The following MAP4K4 variants were observed in gnomAD, a reference collection of about 807,000 sequenced individuals.
MAP4K4 encodes mitogen-activated protein kinase kinase kinase kinase 4, also known as HPK/GCK-like kinase HGK.
MAP4K4 carries 38 observed loss-of-function variants against 189.6 expected under a neutral mutation model. The ratio of observed to expected loss-of-function variants is 0.20; its 90% CI spans 0.15 to 0.26. MAP4K4 has a LOEUF of 0.26. Among genes scored for constraint, MAP4K4 ranks in the 10% least tolerant of loss-of-function variants. The pLI is 1.00. For synonymous variants in MAP4K4, 610 were observed against 624.3 expected, an observed-to-expected ratio of 0.98 and a Z score of 0.34; for missense variants, 1,054 against 1,726.9, an observed-to-expected ratio of 0.61 and a Z score of 6.91.
In MAP4K4 at chr2:101,835,987, T is replaced by G; in HGVS notation, c.773+9T>G. The G allele has an allele frequency of 6.2e-7, 1 of 1,601,302 alleles. No individual in the cohort carries two copies. Among genetic ancestry groups the G allele is most frequent in the Non-Finnish European group, 8.6e-7 (1 of 1,168,588 alleles). On this transcript the variant is annotated intron_variant, in intron 9 of 32. Transcript: ENST00000324219. Reference sequence around the variant, plus strand: ...CTGAAGTCAAAAAAATGGTAAGCTATATATGGTTTTTTGTTGTTCTTTTCC... The same window carrying G: ...CTGAAGTCAAAAAAATGGTAAGCTAGATATGGTTTTTTGTTGTTCTTTTCC...
chr2:101,800,476 A>G (rs2094258913), intron 3 of MAP4K4, among the ~76,000 whole-genome samples: 1 of 152,244 alleles, frequency 6.6e-6, no homozygotes, highest in African/African-American at 2.4e-5. Flanking sequence ...CTTTTAAAAG[A>G]TTACAGACAG....
At chr2:101,708,776 G>T (rs1270570491) in intron 2 of MAP4K4, among the ~76,000 whole-genome samples, 1 of 152,162 alleles carries the variant, frequency 6.6e-6, no homozygotes, top group African/African-American at 2.4e-5. Context: ...GTTAATCCCT[G>T]TTCCAACCCA....
intron 2 of MAP4K4, among the ~76,000 whole-genome samples, chr2:101,753,005 A>G (rs1313577577): frequency 2.0e-5 from 3 of 152,240 alleles, no homozygotes; most frequent in South Asian, 4.1e-4. Flanking sequence ...TGCACAGTAA[A>G]TGATGACAGT....
At chr2:101,818,476 T>G (rs557009189) in intron 3 of MAP4K4, among the ~76,000 whole-genome samples, 3 of 152,268 alleles carry the variant, frequency 2.0e-5, no homozygotes, top group African/African-American at 7.2e-5. Flanking sequence ...CATTTTCCAG[T>G]CCTCTTGGAT....
chr2:101,837,991 T>G (rs2096810593), intron 9 of MAP4K4, among the ~76,000 whole-genome samples: 2 of 152,236 alleles, frequency 1.3e-5, no homozygotes, highest in African/African-American at 4.8e-5. Context: ...ATGAGAAAAT[T>G]ATGGACGTAA....
chr2:101,813,119 AAAATAAAT>A (rs1013466002), intron 3 of MAP4K4, among the ~76,000 whole-genome samples: 1 of 152,164 alleles, frequency 6.6e-6, no homozygotes, highest in Non-Finnish European at 1.5e-5. Flanking sequence ...ATTTCGTCTC[AAAATAAAT>A]AAATAAATAA....
At chr2:101,836,101 C>A in intron 9 of MAP4K4, 123 bp downstream of exon 9, 1 of 638,322 alleles carries the variant, frequency 1.6e-6, no homozygotes, top group South Asian at 1.9e-5. Context: ...AGAGCCAGTT[C>A]TCCAAAACAC....
intron 12 of MAP4K4, among the ~76,000 whole-genome samples, chr2:101,854,349 C>T (rs1459759720): frequency 6.6e-6 from 1 of 152,168 alleles, no homozygotes; most frequent in Non-Finnish European, 1.5e-5. Context: ...AGAGCAGGAG[C>T]ATCATTCATT....
At chr2:101,745,997 TGTG>T (rs1558696305) in intron 2 of MAP4K4, among the ~76,000 whole-genome samples, 12 of 151,010 alleles carry the variant, frequency 7.9e-5, no homozygotes, top group African/African-American at 2.7e-4. Context: ...TGTGTGTGTG[TGTG>T]TGTGTGTTTT....
exon 23 of MAP4K4, chr2:101,870,337 A>G: frequency 6.2e-7 from 1 of 1,613,548 alleles, no homozygotes; most frequent in Non-Finnish European, 8.5e-7. Context: ...AATCTGTGAA[A>G]ACCATGATTG....
chr2:101,882,353 A>G (rs1289282705), intron 27 of MAP4K4, among the ~76,000 whole-genome samples, 198 bp from the exon 28 acceptor site: 1 of 152,168 alleles, frequency 6.6e-6, no homozygotes, highest in Non-Finnish European at 1.5e-5. Context: ...TATTTGATTT[A>G]TAGGAGTTTT....
At chr2:101,832,523 T>C (rs2096621037) in intron 7 of MAP4K4, among the ~76,000 whole-genome samples, 1 of 152,244 alleles carries the variant, frequency 6.6e-6, no homozygotes, top group African/African-American at 2.4e-5. Context: ...TTAATGAGAC[T>C]TAATTTAAGA....
intron 12 of MAP4K4, among the ~76,000 whole-genome samples, chr2:101,850,480 A>G (rs2097250005): frequency 6.6e-6 from 1 of 152,230 alleles, no homozygotes; most frequent in African/African-American, 2.4e-5. Context: ...GTTGCTGTGT[A>G]TTTTAAAGAA....
Position 101,806,657 on chromosome 2 carries a change from C to T in MAP4K4, c.180+15881C>T, listed in dbSNP as rs537741264. Among the ~76,000 whole-genome samples the T allele has an allele frequency of 1.5e-4, 23 of 152,256 alleles. 1 individual carries two copies. The highest frequency in any genetic ancestry group is 4.1e-4 in the South Asian group (2 of 4,824). ...CCTCCCAAAGTGCTGGGATTGCAGG[C>T]GTGAGCCACTGTGTCCGGCCTCAGC... On this transcript the variant is annotated intron_variant, in intron 3 of 32. Transcript: ENST00000324219.
chr2:101,825,339 G>A, exon 5 of MAP4K4: 2 of 1,612,056 alleles, frequency 1.2e-6, no homozygotes, highest in South Asian at 1.1e-5. Flanking sequence ...AGTTCTGTGG[G>A]GCTGGGTCCA....
intron 8 of MAP4K4, 105 bp downstream of exon 8, chr2:101,834,568 G>A (rs1384537523): frequency 1.2e-6 from 1 of 861,506 alleles, no homozygotes; most frequent in Non-Finnish European, 1.9e-6. Context: ...GGCATTTCTG[G>A]TGGACTGTTT....
At chr2:101,725,140 T>C (rs964605735) in intron 2 of MAP4K4, among the ~76,000 whole-genome samples, 1 of 152,184 alleles carries the variant, frequency 6.6e-6, no homozygotes, top group Admixed American at 6.5e-5. Context: ...AAGCAACACG[T>C]GACTGTACTA....
intron 21 of MAP4K4, 78 bp downstream of exon 21, chr2:101,868,115 G>T: frequency 3.4e-6 from 5 of 1,477,580 alleles, no homozygotes; most frequent in East Asian, 2.4e-5. Flanking sequence ...TTCGAGCTGC[G>T]GTCCTGCTCC....
At chr2:101,740,119 G>T (rs141108755) in intron 2 of MAP4K4, among the ~76,000 whole-genome samples, 2 of 150,270 alleles carry the variant, frequency 1.3e-5, no homozygotes, top group Non-Finnish European at 3.0e-5. Context: ...AACATCTGTC[G>T]CTTTCTTGGC....
Sources: allele counts gnomAD v4.1 joint callset (sites outside exome capture counted in the v4.1 genomes callset), GRCh38; gene constraint gnomAD v4.1.1; transcripts MANE v1.5; gene names NCBI Gene and HGNC (gene_info 2026-07-23, HGNC 2026-07-21).